PDE4D: variants seen among roughly 807,000 people sequenced by gnomAD.
PDE4D encodes phosphodiesterase 4D.
In PDE4D, 24 loss-of-function variants were observed where a neutral mutation model predicts 87.4. The observed-to-expected ratio is 0.27, with a 90% CI of 0.20 to 0.39. The LOEUF (loss-of-function observed/expected upper bound fraction) is 0.39. PDE4D is among the 10% of genes least tolerant of loss of function. The probability of loss-of-function intolerance (pLI) is 1.00; values close to 1 mark genes in which losing one functional copy is unlikely to be tolerated. For synonymous variants in PDE4D, 384 were observed against 383.2 expected (o/e 1.00, Z -0.02); for missense variants, 714 against 1,041.0 (o/e 0.69, Z 4.32).
intron 1 of PDE4D, among the ~76,000 whole-genome samples, chr5:59,502,734 G>A (rs1808534502): frequency 7.0e-6 from 1 of 142,788 alleles, no homozygotes; most frequent in Non-Finnish European, 1.5e-5. Flanking sequence ...CTCTTTTTTT[G>A]TAAAACTCTC....
At chr5:59,411,334 G>GA (rs1792645541) in intron 1 of PDE4D, among the ~76,000 whole-genome samples, 1 of 152,044 alleles carries the variant, frequency 6.6e-6, no homozygotes, top group African/African-American at 2.4e-5. Context: ...CTTTATTACT[G>GA]ACACTTTATT....
At chr5:60,165,514 T>G (rs1782812542) in intron 2 of PDE4D, among the ~76,000 whole-genome samples, 1 of 151,898 alleles carries the variant, frequency 6.6e-6, no homozygotes, top group East Asian at 1.9e-4. Context: ...ATTCTAATAT[T>G]AATTTTAAAA....
chr5:59,327,132 TACACACACACACACACACAC>T (rs3061651), intron 1 of PDE4D, among the ~76,000 whole-genome samples: 2 of 141,780 alleles, frequency 1.4e-5, no homozygotes, highest in Admixed American at 7.2e-5. Flanking sequence ...GAAACAGAAA[TACACACACACACACACACAC>T]ACACACACAC....
chr5:59,160,838 C>T (rs1780975738), intron 5 of PDE4D, among the ~76,000 whole-genome samples: 2 of 152,150 alleles, frequency 1.3e-5, no homozygotes, highest in Non-Finnish European at 2.9e-5. Context: ...TGGCTCACGC[C>T]TGTAATCCCA....
chr5:59,078,970 CT>C (rs1766193182), intron 5 of PDE4D, among the ~76,000 whole-genome samples: 1 of 152,124 alleles, frequency 6.6e-6, no homozygotes, highest in South Asian at 2.1e-4. Context: ...CTCCCTTTTG[CT>C]TTCTGCCATG....
exon 3 of PDE4D, chr5:59,988,538 G>C (rs763200522): frequency 3.8e-6 from 6 of 1,599,230 alleles, no homozygotes; most frequent in Admixed American, 1.7e-5. Flanking sequence ...TCTTCAGGGG[G>C]AGGCTGGTTG....
At chr5:60,408,984 T>C (rs879353697) in intron 1 of PDE4D, among the ~76,000 whole-genome samples, 16 of 152,208 alleles carry the variant, frequency 1.1e-4, no homozygotes, top group Non-Finnish European at 2.2e-4. Context: ...TGAGCTCTTT[T>C]TTGTGCCAGG....
chr5:60,329,025 A>C (rs1035645167), intron 1 of PDE4D, among the ~76,000 whole-genome samples: 1 of 152,224 alleles, frequency 6.6e-6, no homozygotes, highest in African/African-American at 2.4e-5. Context: ...ACTTTTTCAC[A>C]GTCGTCTCTC....
At chr5:59,523,410 C>T (rs2153674183) in intron 1 of PDE4D, among the ~76,000 whole-genome samples, 1 of 152,318 alleles carries the variant, frequency 6.6e-6, no homozygotes, top group African/African-American at 2.4e-5. Flanking sequence ...TTGAATTTCA[C>T]ATATCTAAAT....
intron 2 of PDE4D, among the ~76,000 whole-genome samples, chr5:60,131,678 C>T (rs914892779): frequency 6.6e-6 from 1 of 152,186 alleles, no homozygotes; most frequent in Non-Finnish European, 1.5e-5. Flanking sequence ...AGCAAAGACA[C>T]AGGAATATGC....
At chr5:60,121,531 A>G (rs1257098754) in intron 2 of PDE4D, among the ~76,000 whole-genome samples, 5 of 152,140 alleles carry the variant, frequency 3.3e-5, no homozygotes, top group Non-Finnish European at 7.4e-5. Context: ...TGAGGAAGAT[A>G]CAAAAGTGGA....
intron 1 of PDE4D, among the ~76,000 whole-genome samples, chr5:59,331,210 A>T (rs1422881148): frequency 6.6e-6 from 1 of 152,202 alleles, no homozygotes; most frequent in Non-Finnish European, 1.5e-5. Context: ...TAGGGCTGCC[A>T]TTACAAAATA....
At chr5:60,181,631 AAATCC>A (rs1784382922) in intron 2 of PDE4D, among the ~76,000 whole-genome samples, 1 of 152,246 alleles carries the variant, frequency 6.6e-6, no homozygotes, top group African/African-American at 2.4e-5. Context: ...GAAAATTAAC[AAATCC>A]AATTAAGTAG....
chr5:59,029,198 G>A (rs1477814007), intron 6 of PDE4D, among the ~76,000 whole-genome samples: 2 of 151,554 alleles, frequency 1.3e-5, no homozygotes, highest in Non-Finnish European at 2.9e-5. Flanking sequence ...AGATCATGAG[G>A]TCAGGAGATC....
chr5:58,990,909 T>TG lies in PDE4D; in HGVS notation c.1189-8dup. 2.2e-6 allele frequency: 3 copies of TG among 1,381,100 alleles called. No individual in the cohort carries two copies. The highest frequency in any genetic ancestry group is 1.3e-5 in the South Asian group (1 of 75,076). The allele number at this position is 1,381,100 out of a possible 1,614,324, so 85.6% of individuals were successfully genotyped here. A position where few individuals can be genotyped will look rare whatever the true frequency, so the allele number is the denominator to read the frequency against. On this transcript the variant is annotated splice_polypyrimidine_tract_variant and splice_region_variant and intron_variant, in intron 8 of 14. Transcript: ENST00000340635. ...TGTTCACATCTTCTAGTTCCTGGAG[T>TG]GAAAAAAAAAAAAAGATACTAAAAT...
intron 1 of PDE4D, among the ~76,000 whole-genome samples, chr5:60,282,202 A>AACATATATATATATAT (rs1751981793): frequency 2.1e-5 from 2 of 93,716 alleles, no homozygotes; most frequent in Non-Finnish European, 4.0e-5. Context: ...ACAAGAGAGA[A>AACATATATATATATAT]ATAAACATAT....
At chr5:59,387,545 T>C (rs557301708) in intron 1 of PDE4D, among the ~76,000 whole-genome samples, 188 of 152,252 alleles carry the variant, frequency 1.2e-3, no homozygotes, top group African/African-American at 4.1e-3. Flanking sequence ...TTCCATTGTA[T>C]TTCCATAGTT....
chr5:58,999,405 T>G, intron 6 of PDE4D: 1 of 610,222 alleles, frequency 1.6e-6, no homozygotes, highest in Admixed American at 2.7e-5. Flanking sequence ...AACTGATAGT[T>G]TGAACAAATT....
intron 1 of PDE4D, among the ~76,000 whole-genome samples, chr5:59,502,034 C>G (rs991817225): frequency 6.6e-6 from 1 of 152,126 alleles, no homozygotes; most frequent in Non-Finnish European, 1.5e-5. Flanking sequence ...TCCTTTGCCT[C>G]CTTTCACTAG....
Sources: gnomAD v4.1 joint callset for allele counts (sites outside exome capture counted in the v4.1 genomes callset) on GRCh38, gnomAD v4.1.1 for gene constraint, MANE v1.5 for transcripts, NCBI Gene and HGNC (gene_info 2026-07-23, HGNC 2026-07-21) for gene names.